The following DCLK3 variants were observed in gnomAD, a reference collection of about 807,000 sequenced individuals.
The protein encoded by DCLK3 is serine/threonine-protein kinase DCLK3.
A neutral mutation model predicts 46.4 loss-of-function variants in DCLK3; 30 were observed. The observed-to-expected ratio is 0.65, with a 90% CI of 0.48 to 0.88. The LOEUF (loss-of-function observed/expected upper bound fraction) is 0.88. DCLK3 is among the 40% of genes least tolerant of loss of function. DCLK3 has a pLI of 0.00. For missense variants in DCLK3, 846 were observed against 907.1 expected (o/e 0.93, Z 0.87); for synonymous variants, 401 against 339.2 (o/e 1.18, Z -2.00).
At chr3:36,751,557 A>G in intron 1 of DCLK3, among the ~76,000 whole-genome samples, 1 of 152,270 alleles carries the variant, frequency 6.6e-6, no homozygotes, top group East Asian at 1.9e-4. Context: ...CAACTGCTGC[A>G]TCTAAGCCTT....
intron 1 of DCLK3, among the ~76,000 whole-genome samples, chr3:36,744,205 C>A (rs1327491599): frequency 6.6e-6 from 1 of 152,192 alleles, no homozygotes; most frequent in Non-Finnish European, 1.5e-5. Flanking sequence ...AACAAATTCC[C>A]AACCCTAACA....
chr3:36,725,057 G>A (rs1046322365), intron 2 of DCLK3, among the ~76,000 whole-genome samples: 1 of 151,388 alleles, frequency 6.6e-6, no homozygotes, highest in African/African-American at 2.4e-5. Flanking sequence ...GCTCATGCCT[G>A]TAATCCCAGC....
chr3:36,727,014 C>A (rs912978115), intron 2 of DCLK3, among the ~76,000 whole-genome samples: 1 of 152,018 alleles, frequency 6.6e-6, no homozygotes, highest in Non-Finnish European at 1.5e-5. Flanking sequence ...TGGCCAGGCA[C>A]AGTGGCTCAT....
At chr3:36,743,577 T>C (rs986498526) in intron 1 of DCLK3, among the ~76,000 whole-genome samples, 1 of 152,206 alleles carries the variant, frequency 6.6e-6, no homozygotes, top group Non-Finnish European at 1.5e-5. Flanking sequence ...TAACACCTTA[T>C]TTTTCTGTTA....
At chr3:36,755,136 CTG>C (rs1470410538) in intron 1 of DCLK3, among the ~76,000 whole-genome samples, 1 of 152,050 alleles carries the variant, frequency 6.6e-6, no homozygotes, top group African/African-American at 2.4e-5. Context: ...AACTACAAAA[CTG>C]TGAGAGGAAT....
In DCLK3 at chr3:36,713,092, G is replaced by A. The variant is rs1420590102; in HGVS notation, c.*2236C>T. 6.6e-6 allele frequency: 1 copy of A among 152,194 alleles called. No individual in the cohort carries two copies. Among genetic ancestry groups the A allele is most frequent in the Non-Finnish European group, 1.5e-5 (1 of 68,032 alleles). 9.4% of individuals were successfully genotyped at this position (152,194 alleles called of 1,614,324 possible). ...CACTCTGCATCCTCGCTAGTAGTTGGTAAGGTCAGTCTTCTCATTTTAGCC... is the reference window on the plus strand; with the variant it reads ...CACTCTGCATCCTCGCTAGTAGTTGATAAGGTCAGTCTTCTCATTTTAGCC... On this transcript the variant is annotated 3_prime_UTR_variant, in exon 5 of 5. Coordinates refer to ENST00000636136, the MANE Select transcript of DCLK3 (RefSeq NM_001394672.2).
chr3:36,753,849 T>A (rs1701464391), intron 1 of DCLK3, among the ~76,000 whole-genome samples: 1 of 152,060 alleles, frequency 6.6e-6, no homozygotes, highest in Admixed American at 6.5e-5. Flanking sequence ...TTTGTTGTTA[T>A]TGTTGTTGTT....
intron 1 of DCLK3, among the ~76,000 whole-genome samples, chr3:36,755,144 G>C (rs1399886340): frequency 6.6e-6 from 1 of 152,130 alleles, no homozygotes; most frequent in Non-Finnish European, 1.5e-5. Flanking sequence ...AACTGTGAGA[G>C]GAATTAGAAA....
intron 1 of DCLK3, among the ~76,000 whole-genome samples, chr3:36,747,412 G>A (rs1254172405): frequency 6.6e-6 from 1 of 151,624 alleles, no homozygotes; most frequent in Non-Finnish European, 1.5e-5. Flanking sequence ...AAGGGAAAAG[G>A]TTTGAGCTTA....
chr3:36,738,182 C>G lies in DCLK3; in HGVS notation c.985G>C (p.Gly329Arg), dbSNP rs770106898. Residue 329 changes from glycine (G) to arginine (R), a missense_variant, in exon 2 of 5, where the codon GGG becomes CGG. This residue lies in a region of DCLK3 where 553 missense variants were observed against 543.0 expected (regional missense o/e 1.02). Coordinates refer to ENST00000636136, the MANE Select transcript of DCLK3 (RefSeq NM_001394672.2). The stretch of plus-strand genomic sequence containing the variant: ...TTCCCCATATCCAGCTCACTGGTCC[C>G]CAGAGAAAGCCTCTCACGCTCCAGG... ...QSLERERLSL[G>R]TSELDMGKGP... The G allele has an allele frequency of 1.9e-6, 3 of 1,613,702 alleles. No homozygotes were observed. The African/African-American group carries it at 4.0e-5, about 22-fold the overall frequency.
Position 36,737,681 on chromosome 3 carries a change from T to A in DCLK3, c.1486A>T (p.Thr496Ser). ...TCTGGCTTGTTCTCTTCTGGCCTCG[T>A]CTTGGGCTCCTTTTCTAGCTTTGCA... ...QPAKLEKEPK[T>S]RPEENKPERP... is the part of the protein sequence containing the mutation. The change falls in exon 2 of 5, where the codon ACG becomes TCG. Residue 496 changes from threonine to serine, a missense_variant. This residue lies in a region of DCLK3 where 553 missense variants were observed against 543.0 expected (regional missense o/e 1.02). Coordinates refer to ENST00000636136, the MANE Select transcript of DCLK3 (RefSeq NM_001394672.2). This position sits in a 1 kb window ranked among gnomAD's most constrained non-coding sequence, Gnocchi z 4.4. 6.2e-7 allele frequency: 1 copy of A among 1,613,790 alleles called. No individual in the cohort carries two copies. The highest frequency in any genetic ancestry group is 1.3e-5 in the African/African-American group (1 of 74,964).
In DCLK3 at chr3:36,738,079, C is replaced by A. The variant is rs763068346; in HGVS notation, c.1088G>T (p.Gly363Val). Residue 363 changes from glycine to valine, a missense_variant, in exon 2 of 5, where the codon GGG becomes GTG. Gly to Val is a moderately radical substitution (Grantham distance 109, BLOSUM62 -3). This residue lies in a region of DCLK3 where 553 missense variants were observed against 543.0 expected (regional missense o/e 1.02). Transcript: ENST00000636136. ...RRSPEANPAS[G>V]EEGWKGDSHR... ...GCTGTCACCCTTCCACCCTTCCTCC[C>A]CACTTGCAGGATTTGCCTCGGGAGA... 7.4e-6 allele frequency: 12 copies of A among 1,613,674 alleles called. No homozygotes were observed. The highest frequency in any genetic ancestry group is 1.3e-5 in the African/African-American group (1 of 75,032).
intron 1 of DCLK3, among the ~76,000 whole-genome samples, chr3:36,750,787 G>A (rs1488765051): frequency 3.9e-5 from 6 of 152,126 alleles, no homozygotes; most frequent in African/African-American, 9.7e-5. Flanking sequence ...CAGACCTTCC[G>A]CAGATCGTGA....
chr3:36,716,026 T>C (rs1430611985), intron 4 of DCLK3, among the ~76,000 whole-genome samples: 2 of 152,190 alleles, frequency 1.3e-5, no homozygotes. Flanking sequence ...TCCAAGTCAA[T>C]ACATATGCCT....
chr3:36,727,136 A>G (rs1041467215), intron 2 of DCLK3, among the ~76,000 whole-genome samples: 1 of 152,012 alleles, frequency 6.6e-6, no homozygotes, highest in Non-Finnish European at 1.5e-5. Flanking sequence ...TACAACAAAA[A>G]AAAACAGCTG....
chr3:36,740,619 C>A (rs1267041954), intron 1 of DCLK3, among the ~76,000 whole-genome samples: 2 of 152,036 alleles, frequency 1.3e-5, no homozygotes, highest in Non-Finnish European at 2.9e-5. Context: ...TTGACTATAC[C>A]CAGCCAGAGT....
chr3:36,760,309 C>A (rs1371906343), intron 1 of DCLK3, among the ~76,000 whole-genome samples: 2 of 152,188 alleles, frequency 1.3e-5, no homozygotes, highest in Non-Finnish European at 2.9e-5. Context: ...CCTAAAGAAA[C>A]AACATCTACA....
In DCLK3 at chr3:36,718,277, G is replaced by T. The variant is rs1378502182; in HGVS notation, c.2093-100C>A. The T allele has an allele frequency of 3.3e-6, 5 of 1,527,010 alleles. No homozygotes were observed. In the East Asian group the frequency reaches 1.1e-4, roughly 35 times the overall value. 94.6% of individuals were successfully genotyped at this position (1,527,010 alleles called of 1,614,324 possible). A position where few individuals can be genotyped will look rare whatever the true frequency, so the allele number is the denominator to read the frequency against. ...GTATTGTGGTTCTAAATAGATCTAA[G>T]TCATAGAGGATCCCAGCTCTCAGCA... On this transcript the variant is annotated intron_variant, in intron 3 of 4. Coordinates refer to ENST00000636136, the MANE Select transcript of DCLK3 (RefSeq NM_001394672.2).
intron 3 of DCLK3, among the ~76,000 whole-genome samples, chr3:36,719,829 C>T (rs1701033810): frequency 6.6e-6 from 1 of 152,224 alleles, no homozygotes; most frequent in South Asian, 2.1e-4. Flanking sequence ...TCCTTTCCAA[C>T]ACCCTGTTTT....
Sources: gnomAD v4.1 joint callset for allele counts (sites outside exome capture counted in the v4.1 genomes callset) on GRCh38, gnomAD v4.1.1 for gene constraint, gnomAD v4.1.1 regional missense constraint, Gnocchi (gnomAD v3.1) non-coding constraint, MANE v1.5 for transcripts, NCBI Gene and HGNC (gene_info 2026-07-23, HGNC 2026-07-21) for gene names.